SEMA3E: variants seen among roughly 807,000 people sequenced by gnomAD.
SEMA3E encodes semaphorin-3E.
In SEMA3E, 49 loss-of-function variants were observed where a neutral mutation model predicts 93.6. The ratio of observed to expected loss-of-function variants is 0.52; its 90% confidence interval spans 0.42 to 0.66. The LOEUF (loss-of-function observed/expected upper bound fraction) is 0.66, where lower values mean the gene tolerates loss of function less well. Ranked by LOEUF, SEMA3E falls within the 30% of genes least tolerant of loss-of-function variation. SEMA3E has a pLI of 0.00. For missense variants in SEMA3E, 906 were observed against 964.8 expected (o/e 0.94, Z 0.81); for synonymous variants, 363 against 330.7 (o/e 1.10, Z -1.06).
At chr7:83,382,323 G>A (rs1787791559) in intron 16 of SEMA3E, among the ~76,000 whole-genome samples, 1 of 151,928 alleles carries the variant, frequency 6.6e-6, no homozygotes, top group Non-Finnish European at 1.5e-5. Flanking sequence ...ACATAGAACA[G>A]TCCTTGGTAC....
At chr7:83,538,888 C>A (rs1444321370) in intron 1 of SEMA3E, among the ~76,000 whole-genome samples, 1 of 152,180 alleles carries the variant, frequency 6.6e-6, no homozygotes, top group Non-Finnish European at 1.5e-5. Flanking sequence ...GATCTTTCTT[C>A]TCAATTGTCT....
chr7:83,579,629 A>G (rs866734027), intron 1 of SEMA3E, among the ~76,000 whole-genome samples: 6 of 152,144 alleles, frequency 3.9e-5, no homozygotes, highest in African/African-American at 1.4e-4. Flanking sequence ...GGTCAATGCA[A>G]AATGGCTTGT....
intron 4 of SEMA3E, among the ~76,000 whole-genome samples, chr7:83,433,646 GTT>G (rs1272483859): frequency 6.6e-6 from 1 of 151,992 alleles, no homozygotes; most frequent in Non-Finnish European, 1.5e-5. Flanking sequence ...TACATTCTGT[GTT>G]CTACAAAAAA....
intron 4 of SEMA3E, among the ~76,000 whole-genome samples, chr7:83,454,888 C>T (rs186921582): frequency 6.6e-6 from 1 of 152,296 alleles, no homozygotes; most frequent in Admixed American, 6.5e-5. Context: ...ATACAAGCAA[C>T]TGGAAGACAT....
chr7:83,448,895 A>G (rs945939441), intron 4 of SEMA3E, among the ~76,000 whole-genome samples: 2 of 152,100 alleles, frequency 1.3e-5, no homozygotes, highest in Non-Finnish European at 2.9e-5. Context: ...TTTGTAATTG[A>G]CTTATTATGG....
intron 1 of SEMA3E, among the ~76,000 whole-genome samples, chr7:83,615,338 A>ATTTTTTT (rs778228278): frequency 1.3e-5 from 2 of 151,548 alleles, no homozygotes; most frequent in Non-Finnish European, 2.9e-5. Context: ...TTCATATGAG[A>ATTTTTTT]TTTTTTTTTA....
chr7:83,502,702 G>T (rs1452872908), intron 1 of SEMA3E, among the ~76,000 whole-genome samples: 1 of 152,134 alleles, frequency 6.6e-6, no homozygotes, highest in African/African-American at 2.4e-5. Flanking sequence ...ACTAGGTTTT[G>T]TGTTTTTTAA....
intron 1 of SEMA3E, among the ~76,000 whole-genome samples, chr7:83,572,839 A>T (rs945080966): frequency 6.6e-6 from 1 of 152,166 alleles, no homozygotes; most frequent in Non-Finnish European, 1.5e-5. Flanking sequence ...ATAAAACTGG[A>T]CATCTATTTT....
chr7:83,611,390 T>TTATA (rs751910453), intron 1 of SEMA3E, among the ~76,000 whole-genome samples: 8 of 141,812 alleles, frequency 5.6e-5, no homozygotes, highest in African/African-American at 1.8e-4. Flanking sequence ...AATTTATATA[T>TTATA]TATATATATA....
rs71074668 is a variant in SEMA3E, at chr7:83,503,012, C to CT, written c.116-12739dup. ...AATATATATGAGTTTCTTTCTCTCT[C>CT]TTTTTTTTTTTTTTGATGTCAATAA... On this transcript the variant is annotated intron_variant, in intron 1 of 16. Transcript: ENST00000643230. Among the ~76,000 whole-genome samples the CT allele has an allele frequency of 2.8e-3, 370 of 131,254 alleles. 3 individuals carry two copies. Among genetic ancestry groups the CT allele is most frequent in the East Asian group, 0.025 (114 of 4,504 alleles). The allele number at this position is 131,254 out of a possible 152,430, so 86.1% of individuals were successfully genotyped here.
intron 4 of SEMA3E, among the ~76,000 whole-genome samples, chr7:83,454,027 G>A (rs968946830): frequency 5.3e-5 from 8 of 151,534 alleles, no homozygotes; most frequent in African/African-American, 1.9e-4. Flanking sequence ...GGGAGGCCGA[G>A]GCGGGTGGAT....
chr7:83,571,976 T>C (rs760988875), intron 1 of SEMA3E, among the ~76,000 whole-genome samples: 1 of 151,516 alleles, frequency 6.6e-6, no homozygotes, highest in African/African-American at 2.4e-5. Context: ...ACTTACAGTA[T>C]CCACAAAAAA....
intron 1 of SEMA3E, among the ~76,000 whole-genome samples, chr7:83,593,803 A>G (rs1792811208): frequency 6.6e-6 from 1 of 152,090 alleles, no homozygotes; most frequent in African/African-American, 2.4e-5. Context: ...TATGTATCCA[A>G]TCGGCCCTCA....
intron 1 of SEMA3E, among the ~76,000 whole-genome samples, chr7:83,536,447 G>A (rs1791411738): frequency 6.6e-6 from 1 of 151,912 alleles, no homozygotes; most frequent in Admixed American, 6.6e-5. Flanking sequence ...GAAAAATTAG[G>A]TTAATATTTC....
intron 1 of SEMA3E, among the ~76,000 whole-genome samples, chr7:83,514,946 C>T (rs1029730512): frequency 2.6e-5 from 4 of 152,044 alleles, no homozygotes; most frequent in Non-Finnish European, 1.5e-5. Context: ...TGTGTACTTA[C>T]ATGTATATAC....
rs758030058 is a variant in SEMA3E at position 83,405,534 on chromosome 7, G to C, written c.929-15C>G. 1.9e-6 allele frequency: 3 copies of C among 1,608,912 alleles called. No homozygotes were observed. The highest frequency in any genetic ancestry group is 2.7e-5 in the African/African-American group (2 of 74,872). Reference sequence around the variant, plus strand: ...AAAAACGTCCTCTGAAAAATTAAAGGCCATTCCATCGCTTAGTATTTTTAG... The same window carrying C: ...AAAAACGTCCTCTGAAAAATTAAAGCCCATTCCATCGCTTAGTATTTTTAG... On this transcript the variant is annotated splice_polypyrimidine_tract_variant and intron_variant, in intron 8 of 16. Transcript: ENST00000643230.
At chr7:83,445,287 ATT>A (rs1463614522) in intron 4 of SEMA3E, among the ~76,000 whole-genome samples, 9 of 152,214 alleles carry the variant, frequency 5.9e-5, no homozygotes, top group Admixed American at 1.3e-4. Flanking sequence ...TTGAGGCAAA[ATT>A]TTTGTTTGTT....
intron 1 of SEMA3E, among the ~76,000 whole-genome samples, chr7:83,604,440 T>C (rs550106885): frequency 2.0e-5 from 3 of 150,504 alleles, no homozygotes; most frequent in South Asian, 4.2e-4. Context: ...TATATATATG[T>C]ATATATATCT....
Position 83,488,788 on chromosome 7 carries a change from A to G in SEMA3E, c.276+1326T>C, listed in dbSNP as rs368325679. Among the ~76,000 whole-genome samples the G allele has an allele frequency of 7.9e-4, 120 of 152,230 alleles. 2 individuals are homozygous for G. Among genetic ancestry groups the G allele is most frequent in the Middle Eastern group, 3.4e-3 (1 of 294 alleles). On this transcript the variant is annotated intron_variant, in intron 2 of 16. Coordinates refer to ENST00000643230, the MANE Select transcript of SEMA3E (RefSeq NM_012431.3). Reference sequence around the variant, plus strand: ...CAGCCAGACAAGTGGAGCATGGAGGATACCTTCAATTAAAAACCAAAACAT... The same window carrying G: ...CAGCCAGACAAGTGGAGCATGGAGGGTACCTTCAATTAAAAACCAAAACAT...
Sources: gnomAD v4.1 joint callset for allele counts (sites outside exome capture counted in the v4.1 genomes callset) on GRCh38, gnomAD v4.1.1 for gene constraint, MANE v1.5 for transcripts, NCBI Gene and HGNC (gene_info 2026-07-23, HGNC 2026-07-21) for gene names.